The following DLX6 variants were observed in gnomAD, a reference collection of about 807,000 sequenced individuals.
The protein encoded by DLX6 is homeobox protein DLX-6.
DLX6 carries 4 observed loss-of-function variants against 33.5 expected under a neutral mutation model. That is an observed-to-expected ratio of 0.12 (90% CI 0.06 to 0.27). DLX6 has a LOEUF of 0.27. Among genes scored for constraint, DLX6 ranks in the 10% least tolerant of loss-of-function variants. DLX6 has a pLI of 1.00. For synonymous variants in DLX6, 184 were observed against 164.8 expected (o/e 1.12, Z -0.89); for missense variants, 382 against 393.3 (o/e 0.97, Z 0.24).
At position 97,006,271 on chromosome 7, in the gene DLX6, G is replaced by T. The variant is rs766489873; in HGVS notation, c.294G>T (p.Ser98=). 8 of 1,521,282 alleles carry T rather than the reference G, an allele frequency of 5.3e-6. No individual in the cohort carries two copies. The highest frequency in any genetic ancestry group is 6.2e-6 in the Non-Finnish European group (7 of 1,134,540). 94.2% of individuals were successfully genotyped at this position (1,521,282 alleles called of 1,614,324 possible). A position where few individuals can be genotyped will look rare whatever the true frequency, so the allele number is the denominator to read the frequency against. The stretch of plus-strand genomic sequence containing the variant: ...ACCACCAGCACCACCACCACGGCTC[G>T]CCCTACGCGTCGGGCGGAGGGAACT... ...HHHHQHHHHG[S]PYASGGGNSY... The change falls in exon 1 of 3, where the codon TCG becomes TCT. Residue 98 remains serine, a synonymous_variant. Transcript: ENST00000518156.
intron 2 of DLX6, among the ~76,000 whole-genome samples, chr7:97,008,439 T>G (rs1350651836): frequency 6.6e-6 from 1 of 152,218 alleles, no homozygotes; most frequent in African/African-American, 2.4e-5. Flanking sequence ...CTGAGCTGCC[T>G]CCCTGGAGCA....
At chr7:97,006,518 C>G in intron 1 of DLX6, 105 bp downstream of exon 1, 1 of 1,172,290 alleles carries the variant, frequency 8.5e-7, no homozygotes, top group East Asian at 3.3e-5. Flanking sequence ...GCCCCCTCCC[C>G]CAGGCGGCCC....
chr7:97,007,230 A>G lies in DLX6; in HGVS notation c.437-408A>G, dbSNP rs915600394. ...GCTTGGAGCTGGTGACATCAAGTCA[A>G]CTGGCCGCGTAAACACCTGGGTGGC... On this transcript the variant is annotated intron_variant, in intron 1 of 2. Transcript: ENST00000518156. The G allele has an allele frequency of 9.6e-5, 44 of 459,888 alleles. No individual in the cohort carries two copies. In the Admixed American group the frequency reaches 1.4e-3, roughly 14 times the overall value. 28.5% of individuals were successfully genotyped at this position (459,888 alleles called of 1,614,324 possible).
Position 97,005,879 on chromosome 7 carries a change from A to G in DLX6, c.-99A>G, listed in dbSNP as rs1384101637. On this transcript the variant is annotated 5_prime_UTR_variant, in exon 1 of 3. Transcript: ENST00000518156. ...TTTTTTTTTTTTTTGCAAGGATCCA[A>G]AGAGCTAAGGTGGCTGCAGAGGGGA... 8.6e-5 allele frequency: 59 copies of G among 684,470 alleles called. No individual in the cohort carries two copies. The highest frequency in any genetic ancestry group is 9.9e-5 in the Non-Finnish European group (47 of 473,680). 42.4% of individuals were successfully genotyped at this position (684,470 alleles called of 1,614,324 possible).
Position 97,006,113 on chromosome 7 carries a change from C to G in DLX6, c.136C>G (p.Pro46Ala), listed in dbSNP as rs1013526388. 8.0e-6 allele frequency: 12 copies of G among 1,498,060 alleles called. No homozygotes were observed. In the African/African-American group the frequency reaches 1.3e-4, roughly 16 times the overall value. The allele number at this position is 1,498,060 out of a possible 1,614,324, so 92.8% of individuals were successfully genotyped here. Residue 46 changes from proline to alanine, a missense_variant, in exon 1 of 3, where the codon CCG becomes GCG. Pro to Ala is a conservative substitution (Grantham distance 27). Transcript: ENST00000518156. The part of the protein sequence containing the change: ...QQQQQQQQQP[P>A]PPPPPPPQPH... ...GCAGCAGCAGCAACAGCAACAGCCG[C>G]CGCCGCCGCCGCCGCCGCCGCCGCA... is the stretch of plus-strand genomic sequence containing the variant.
Position 97,006,228 on chromosome 7 carries a change from G to T in DLX6, c.251G>T (p.Gly84Val), listed in dbSNP as rs1240621861. Reference sequence around the variant, plus strand: ...TCGGCGGCGGCGGCGGCAGCGGCCGGCTCGCACCACCACCACCACCACCAG... The same window carrying T: ...TCGGCGGCGGCGGCGGCAGCGGCCGTCTCGCACCACCACCACCACCACCAG... The part of the protein sequence containing the change: ...LHSAAAAAAA[G>V]SHHHHHHQHH... Residue 84 changes from glycine (G) to valine (V), a missense_variant, in exon 1 of 3, where the codon GGC becomes GTC. Coordinates refer to ENST00000518156, the MANE Select transcript of DLX6 (RefSeq NM_005222.4). 2 of 1,513,532 alleles carry T rather than the reference G, an allele frequency of 1.3e-6. No individual in the cohort carries two copies. Among genetic ancestry groups the T allele is most frequent in the Non-Finnish European group, 1.8e-6 (2 of 1,127,770 alleles). 93.8% of individuals were successfully genotyped at this position (1,513,532 alleles called of 1,614,324 possible).
Position 97,005,926 on chromosome 7 carries a change from G to C in DLX6, c.-52G>C, listed in dbSNP as rs1789703852. ...GGGAGAGCGGCGCGAGCCAAGTGGGGGAGGGTGGAGGAAACCCGGGAGAAG... is the reference window on the plus strand; with the variant it reads ...GGGAGAGCGGCGCGAGCCAAGTGGGCGAGGGTGGAGGAAACCCGGGAGAAG... On this transcript the variant is annotated 5_prime_UTR_variant, in exon 1 of 3. Transcript: ENST00000518156. 2 of 1,479,522 alleles carry C rather than the reference G, an allele frequency of 1.4e-6. No homozygotes were observed. Among genetic ancestry groups the C allele is most frequent in the African/African-American group, 2.8e-5 (2 of 70,574 alleles). The allele number at this position is 1,479,522 out of a possible 1,614,324, so 91.6% of individuals were successfully genotyped here.
chr7:97,009,299 T>C (rs1175322842), intron 2 of DLX6, among the ~76,000 whole-genome samples: 1 of 152,242 alleles, frequency 6.6e-6, no homozygotes, highest in Non-Finnish European at 1.5e-5. Flanking sequence ...CCTTGTACCT[T>C]TATAGAGATA....
rs1451172502 is a variant in DLX6, at chr7:97,006,318, C to T, written c.341C>T (p.Ala114Val). ...AACTCCTACAACCACCGCTCGCTCG[C>T]CGCCTACCCCTACATGAGCCACTCG... ...GGNSYNHRSL[A>V]AYPYMSHSQH... Residue 114 changes from alanine to valine, a missense_variant, in exon 1 of 3, where the codon GCC becomes GTC. Coordinates refer to ENST00000518156, the MANE Select transcript of DLX6 (RefSeq NM_005222.4). The T allele has an allele frequency of 9.2e-6, 14 of 1,524,780 alleles. No homozygotes were observed. Among genetic ancestry groups the T allele is most frequent in the African/African-American group, 1.4e-5 (1 of 71,070 alleles). 94.5% of individuals were successfully genotyped at this position (1,524,780 alleles called of 1,614,324 possible).
intron 1 of DLX6, chr7:97,007,291 AG>A: frequency 1.7e-6 from 1 of 576,710 alleles, no homozygotes; most frequent in Non-Finnish European, 3.1e-6. Flanking sequence ...AGCCGGGCAC[AG>A]GGGCCCCGCT....
chr7:97,007,416 C>T, intron 1 of DLX6: 1 of 612,330 alleles, frequency 1.6e-6, no homozygotes, highest in Non-Finnish European at 2.9e-6. Flanking sequence ...TCCCTTGGCC[C>T]AGACGCTGCA....
rs1377609859 is a variant in DLX6, at chr7:97,006,096, A to G, written c.119A>G (p.Gln40Arg). ...QQQQQQQQQQ[Q>R]QQQQPPPPPP... ...CAGCAACAGCAGCAGCAGCAGCAGC[A>G]GCAACAGCAACAGCCGCCGCCGCCG... Residue 40 changes from glutamine to arginine, a missense_variant, in exon 1 of 3, where the codon CAG becomes CGG. Gln to Arg is a conservative substitution (Grantham distance 43, BLOSUM62 1). Coordinates refer to ENST00000518156, the MANE Select transcript of DLX6 (RefSeq NM_005222.4). 1.3e-6 allele frequency: 2 copies of G among 1,552,672 alleles called. No homozygotes were observed. Among genetic ancestry groups the G allele is most frequent in the Admixed American group, 1.9e-5 (1 of 51,486 alleles).
At position 97,010,637 on chromosome 7, in the gene DLX6, C is replaced by G. The variant is rs1188720627; in HGVS notation, c.*590C>G. 6.6e-6 allele frequency: 1 copy of G among 152,482 alleles called. No homozygotes were observed. The highest frequency in any genetic ancestry group is 6.5e-5 in the Admixed American group (1 of 15,268). The allele number at this position is 152,482 out of a possible 1,614,324, so 9.4% of individuals were successfully genotyped here. ...TGCATTTTTATTTACCATTCCCAGA[C>G]TGACGAGAAAAAGAAAATTCCTCAC... On this transcript the variant is annotated 3_prime_UTR_variant, in exon 3 of 3. Coordinates refer to ENST00000518156, the MANE Select transcript of DLX6 (RefSeq NM_005222.4).
intron 2 of DLX6, 45 bp downstream of exon 2, chr7:97,007,876 T>G: frequency 6.6e-7 from 1 of 1,507,134 alleles, no homozygotes; most frequent in Non-Finnish European, 8.9e-7. Context: ...CTGGTACCGC[T>G]TGCAGATCGG....
chr7:97,008,145 A>G (rs1018108142), intron 2 of DLX6, among the ~76,000 whole-genome samples: 1 of 152,210 alleles, frequency 6.6e-6, no homozygotes, highest in African/African-American at 2.4e-5. Context: ...AAAGAGAACA[A>G]ACATTTAGGA....
At chr7:97,006,667 A>C (rs912114423) in intron 1 of DLX6, 1 of 180,780 alleles carries the variant, frequency 5.5e-6, no homozygotes, top group Non-Finnish European at 1.1e-5. Flanking sequence ...GGCCCGGCGC[A>C]GGCTTCGTTC....
At chr7:97,008,594 A>G (rs1428809230) in intron 2 of DLX6, among the ~76,000 whole-genome samples, 1 of 152,234 alleles carries the variant, frequency 6.6e-6, no homozygotes. Flanking sequence ...AGATTTCACA[A>G]GAAGGAGCTT....
At chr7:97,007,595 G>A (rs1329358483) in intron 1 of DLX6, 43 bp from the exon 2 acceptor site, 5 of 1,556,716 alleles carry the variant, frequency 3.2e-6, no homozygotes, top group Non-Finnish European at 4.4e-6. Context: ...GATGGCAGCA[G>A]TAGCCTCCCG....
Position 97,009,691 on chromosome 7 carries a change from G to GT in DLX6, c.631-99dup, listed in dbSNP as rs1053806008. The GT allele has an allele frequency of 1.3e-5, 19 of 1,514,062 alleles. No individual in the cohort carries two copies. The East Asian group carries it at 2.0e-4, about 16-fold the overall frequency. 93.8% of individuals were successfully genotyped at this position (1,514,062 alleles called of 1,614,324 possible). A position where few individuals can be genotyped will look rare whatever the true frequency, so the allele number is the denominator to read the frequency against. ...TAGGCGTTGGCGGTGGTTGTTTTTT[G>GT]TTTTTTGTTTTTTTGCTTTTTTAAT... On this transcript the variant is annotated intron_variant, in intron 2 of 2. Transcript: ENST00000518156.
Sources: allele counts gnomAD v4.1 joint callset (sites outside exome capture counted in the v4.1 genomes callset), GRCh38; gene constraint gnomAD v4.1.1; transcripts MANE v1.5; gene names NCBI Gene and HGNC (gene_info 2026-07-23, HGNC 2026-07-21).